CRACD: variants seen among roughly 807,000 people sequenced by gnomAD.
CRACD encodes the protein capping protein inhibiting regulator of actin dynamics.
Under a neutral mutation model 106.8 loss-of-function variants are expected in CRACD, and 56 were observed. The observed-to-expected ratio is 0.52, with a 90% CI of 0.42 to 0.66. The LOEUF (loss-of-function observed/expected upper bound fraction) is 0.66, where lower values mean the gene tolerates loss of function less well. Among genes scored for constraint, CRACD ranks in the 30% least tolerant of loss-of-function variants. The pLI is 0.00. For synonymous variants in CRACD, 754 were observed against 670.8 expected, an observed-to-expected ratio of 1.12 and a Z score of -1.92; for missense variants, 1,730 against 1,623.2, an observed-to-expected ratio of 1.07 and a Z score of -1.13.
chr4:56,233,763 T>C (rs1446667310), intron 2 of CRACD, among the ~76,000 whole-genome samples: 5 of 152,226 alleles, frequency 3.3e-5, no homozygotes, highest in Non-Finnish European at 7.3e-5. Flanking sequence ...ATTGGGATTG[T>C]GTTGAATCTA....
At chr4:56,165,210 T>C (rs1736097400) in intron 1 of CRACD, among the ~76,000 whole-genome samples, 2 of 152,200 alleles carry the variant, frequency 1.3e-5, no homozygotes, top group South Asian at 4.1e-4. Context: ...GCAGACACAT[T>C]ACTGCCTTCA....
intron 2 of CRACD, among the ~76,000 whole-genome samples, chr4:56,192,610 GAT>G (rs1737428848): frequency 6.6e-6 from 1 of 151,936 alleles, no homozygotes. Flanking sequence ...CAGACCAAGA[GAT>G]AGAAAAAGGA....
In CRACD at chr4:56,330,076, G is replaced by C. The variant is rs1225054182; in HGVS notation, c.*2272G>C. Among the ~76,000 whole-genome samples the C allele has an allele frequency of 6.6e-6, 1 of 152,032 alleles. No individual in the cohort carries two copies. The highest frequency in any genetic ancestry group is 1.5e-5 in the Non-Finnish European group (1 of 68,016). Reference sequence around the variant, plus strand: ...CAAATTTGCACTAAATACCAATGAAGTGTTATTTTGCTTTAGTAGTCTTCT... The same window carrying C: ...CAAATTTGCACTAAATACCAATGAACTGTTATTTTGCTTTAGTAGTCTTCT... On this transcript the variant is annotated 3_prime_UTR_variant, in exon 11 of 11. Coordinates refer to ENST00000682029, the MANE Select transcript of CRACD (RefSeq NM_001393381.1).
intron 1 of CRACD, among the ~76,000 whole-genome samples, chr4:56,116,338 T>C (rs556352589): frequency 8.5e-5 from 13 of 152,316 alleles, no homozygotes; most frequent in African/African-American, 2.9e-4. Flanking sequence ...CTTTACACAA[T>C]CTACACAATC....
chr4:56,283,027 A>T (rs1440551290), intron 3 of CRACD, among the ~76,000 whole-genome samples: 7 of 151,298 alleles, frequency 4.6e-5, no homozygotes, highest in Non-Finnish European at 7.4e-5. Flanking sequence ...TTCCTTTGCA[A>T]CCTCTCTCTT....
In CRACD at chr4:56,108,302, A is replaced by G. The variant is rs1012208496; in HGVS notation, c.-336+59003A>G. On this transcript the variant is annotated intron_variant, in intron 1 of 10. Coordinates refer to ENST00000682029, the MANE Select transcript of CRACD (RefSeq NM_001393381.1). ...ATCATTAATACCCCTGATATGATAC[A>G]TTGTGAAGGACACAACATCACTTCT... is the stretch of plus-strand genomic sequence containing the variant. 2.0e-5 allele frequency among the ~76,000 whole-genome samples: 3 copies of G among 152,224 alleles called. No individual in the cohort carries two copies. In the South Asian group the frequency reaches 6.2e-4, roughly 32 times the overall value.
At chr4:56,166,510 G>T (rs183816143) in intron 1 of CRACD, among the ~76,000 whole-genome samples, 2 of 151,678 alleles carry the variant, frequency 1.3e-5, no homozygotes, top group Non-Finnish European at 2.9e-5. Context: ...GTGAAACCCC[G>T]TCTCTACTAA....
At chr4:56,090,837 A>G (rs1190160405) in intron 1 of CRACD, among the ~76,000 whole-genome samples, 1 of 152,118 alleles carries the variant, frequency 6.6e-6, no homozygotes, top group East Asian at 1.9e-4. Flanking sequence ...AGCCACAGTT[A>G]GGGGATGGGA....
chr4:56,063,786 C>T (rs1249024706), intron 1 of CRACD, among the ~76,000 whole-genome samples: 1 of 152,108 alleles, frequency 6.6e-6, no homozygotes, highest in Non-Finnish European at 1.5e-5. Flanking sequence ...CTTTGGGCTA[C>T]TCTGAGTAAT....
At chr4:56,252,203 A>G (rs554144628) in intron 2 of CRACD, among the ~76,000 whole-genome samples, 1 of 152,296 alleles carries the variant, frequency 6.6e-6, no homozygotes, top group South Asian at 2.1e-4. Flanking sequence ...TGCTTTACTT[A>G]TCTGGGCTTT....
Position 56,281,740 on chromosome 4 carries a change from C to T in CRACD, c.-17+9248C>T, listed in dbSNP as rs994272657. ...AAAGATCTTTCTCCACATGGGGAAACGTAGGAGTGGAATAAATAGCATGGA... is the reference window on the plus strand; with the variant it reads ...AAAGATCTTTCTCCACATGGGGAAATGTAGGAGTGGAATAAATAGCATGGA... On this transcript the variant is annotated intron_variant, in intron 3 of 10. Transcript: ENST00000682029. Among the ~76,000 whole-genome samples, 9 of 152,036 alleles carry T rather than the reference C, an allele frequency of 5.9e-5. No individual in the cohort carries two copies. In the East Asian group the frequency reaches 9.6e-4, roughly 16 times the overall value.
At chr4:56,233,773 A>C (rs1410637634) in intron 2 of CRACD, among the ~76,000 whole-genome samples, 1 of 152,190 alleles carries the variant, frequency 6.6e-6, no homozygotes, top group Admixed American at 6.5e-5. Context: ...TGTTGAATCT[A>C]TAAGTCAATT....
chr4:56,066,512 C>T (rs1732471333), intron 1 of CRACD, among the ~76,000 whole-genome samples: 1 of 152,084 alleles, frequency 6.6e-6, no homozygotes, highest in African/African-American at 2.4e-5. Flanking sequence ...CACTGCACTC[C>T]AGCTTGGGTG....
At chr4:56,297,391 A>G (rs754182634) in intron 3 of CRACD, among the ~76,000 whole-genome samples, 10 of 152,132 alleles carry the variant, frequency 6.6e-5, no homozygotes, top group Non-Finnish European at 1.3e-4. Flanking sequence ...AGGAGTTCAA[A>G]ACCAGCCTGG....
intron 4 of CRACD, among the ~76,000 whole-genome samples, chr4:56,299,557 C>G (rs1387335958): frequency 6.6e-6 from 1 of 152,030 alleles, no homozygotes; most frequent in Non-Finnish European, 1.5e-5. Flanking sequence ...GTAGTCCCAG[C>G]TTCTCAGGAG....
At chr4:56,206,809 A>C (rs1005010137) in intron 2 of CRACD, among the ~76,000 whole-genome samples, 1 of 152,152 alleles carries the variant, frequency 6.6e-6, no homozygotes, top group Non-Finnish European at 1.5e-5. Flanking sequence ...TGCCACTCTC[A>C]TGTATCATCA....
At chr4:56,135,296 C>T (rs1734967354) in intron 1 of CRACD, among the ~76,000 whole-genome samples, 1 of 151,938 alleles carries the variant, frequency 6.6e-6, no homozygotes, top group African/African-American at 2.4e-5. Context: ...AAAAATAAAC[C>T]AAAAAACAAG....
At chr4:56,059,724 C>T (rs917838720) in intron 1 of CRACD, among the ~76,000 whole-genome samples, 7 of 152,130 alleles carry the variant, frequency 4.6e-5, no homozygotes, top group African/African-American at 1.4e-4. Flanking sequence ...CACTCTGTTG[C>T]CCAGGCTGGA....
At chr4:56,162,768 C>T (rs6818728) in intron 1 of CRACD, among the ~76,000 whole-genome samples, 8,901 of 152,222 alleles carry the variant, frequency 0.058, 449 homozygotes, top group African/African-American at 0.12. Context: ...TCAAGGAGTT[C>T]AAATTCTAGT....
Sources: allele counts gnomAD v4.1 joint callset (sites outside exome capture counted in the v4.1 genomes callset), GRCh38; gene constraint gnomAD v4.1.1; transcripts MANE v1.5; gene names NCBI Gene and HGNC (gene_info 2026-07-23, HGNC 2026-07-21).